The following SLC4A4 variants were observed in gnomAD, a reference collection of about 807,000 sequenced individuals.
SLC4A4 encodes the protein solute carrier family 4 member 4, also known as electrogenic sodium bicarbonate cotransporter 1.
Under a neutral mutation model 111.5 loss-of-function variants are expected in SLC4A4, and 27 were observed. That is an observed-to-expected ratio of 0.24 (90% CI 0.18 to 0.33). SLC4A4 has a LOEUF of 0.33. SLC4A4 is among the 10% of genes least tolerant of loss of function. The pLI, the probability that SLC4A4 is intolerant of heterozygous loss-of-function variation, is 1.00. For missense variants in SLC4A4, 909 were observed against 1,315.5 expected (o/e 0.69, Z 4.78); for synonymous variants, 443 against 463.4 (o/e 0.96, Z 0.57).
chr4:71,335,801 G>C (rs1728390741), intron 3 of SLC4A4, among the ~76,000 whole-genome samples: 1 of 151,626 alleles, frequency 6.6e-6, no homozygotes, highest in African/African-American at 2.4e-5. Flanking sequence ...CTCCAGCCTG[G>C]GCAATAGTGT....
Position 71,564,571 on chromosome 4 carries a change from T to G in SLC4A4, c.3196+682T>G, listed in dbSNP as rs563932331. 2.6e-5 allele frequency among the ~76,000 whole-genome samples: 4 copies of G among 152,012 alleles called. 1 individual carries two copies. The South Asian group carries it at 8.3e-4, about 31-fold the overall frequency. On this transcript the variant is annotated intron_variant, in intron 24 of 25. Coordinates refer to ENST00000264485, the MANE Select transcript of SLC4A4 (RefSeq NM_001098484.3). The stretch of plus-strand genomic sequence containing the variant: ...TTAACAGGCCACTTAGTAATATTAG[T>G]GACCATTTCAGACTTTCCCAATAGC...
At chr4:71,234,570 C>T (rs550425247) in intron 1 of SLC4A4, among the ~76,000 whole-genome samples, 71 of 152,250 alleles carry the variant, frequency 4.7e-4, no homozygotes, top group African/African-American at 1.6e-3. Flanking sequence ...GGATTACAGG[C>T]GTGTGCCACC....
chr4:71,087,476 A>G (rs868545778), intron 1 of SLC4A4, among the ~76,000 whole-genome samples: 1 of 151,654 alleles, frequency 6.6e-6, no homozygotes, highest in Non-Finnish European at 1.5e-5. Flanking sequence ...TTGCTTCTCT[A>G]GTTCTTTTAT....
At chr4:71,358,245 G>A (rs1185120555) in intron 6 of SLC4A4, among the ~76,000 whole-genome samples, 1 of 151,926 alleles carries the variant, frequency 6.6e-6, no homozygotes, top group African/African-American at 2.4e-5. Context: ...AACCCGGGAG[G>A]GGGAGGTTGC....
At chr4:71,168,174 ACT>A (rs1280233936) in intron 2 of SLC4A4, among the ~76,000 whole-genome samples, 14 of 126,024 alleles carry the variant, frequency 1.1e-4, no homozygotes, top group South Asian at 2.5e-4. Context: ...ATTCAATTAT[ACT>A]CTTTTTTTTT....
intron 2 of SLC4A4, among the ~76,000 whole-genome samples, chr4:71,243,764 G>T (rs932247122): frequency 1.3e-5 from 2 of 152,134 alleles, no homozygotes; most frequent in Non-Finnish European, 2.9e-5. Flanking sequence ...CTGGTAAATT[G>T]TTTCTGCCTT....
intron 3 of SLC4A4, among the ~76,000 whole-genome samples, chr4:71,312,278 T>C (rs1022534711): frequency 6.6e-6 from 1 of 152,094 alleles, no homozygotes; most frequent in Non-Finnish European, 1.5e-5. Flanking sequence ...AGGCAGTAAT[T>C]AATAGCCTGC....
chr4:71,549,322 G>A (rs1735792304), intron 20 of SLC4A4, among the ~76,000 whole-genome samples: 1 of 151,846 alleles, frequency 6.6e-6, no homozygotes, highest in Non-Finnish European at 1.5e-5. Flanking sequence ...TTACCTTTTA[G>A]GCAATGGAAC....
rs558900233 is a variant in SLC4A4 at position 71,113,469 on chromosome 4, G to C, written c.-2+20677G>C. 5.3e-5 allele frequency among the ~76,000 whole-genome samples: 8 copies of C among 152,258 alleles called. No homozygotes were observed. In the East Asian group the frequency reaches 1.5e-3, roughly 29 times the overall value. ...TAAAGCTGGAATCCTGACCACTAGTGGGCACTGAAGATCCCAGGAGACTTT... is the reference window on the plus strand; with the variant it reads ...TAAAGCTGGAATCCTGACCACTAGTCGGCACTGAAGATCCCAGGAGACTTT... On this transcript the variant is annotated intron_variant, in intron 2 of 26. Transcript: ENST00000649996.
chr4:71,401,082 T>G (rs946598925), intron 7 of SLC4A4, among the ~76,000 whole-genome samples: 1 of 152,196 alleles, frequency 6.6e-6, no homozygotes, highest in African/African-American at 2.4e-5. Context: ...CCTTGCAACT[T>G]CCTGGAGCTA....
At chr4:71,207,032 G>C (rs553824716) in intron 1 of SLC4A4, among the ~76,000 whole-genome samples, 1 of 152,020 alleles carries the variant, frequency 6.6e-6, no homozygotes, top group Non-Finnish European at 1.5e-5. Context: ...TAAGCATAAT[G>C]GTACTAGTAA....
intron 2 of SLC4A4, among the ~76,000 whole-genome samples, chr4:71,125,051 G>A (rs1578503306): frequency 1.3e-5 from 2 of 152,308 alleles, no homozygotes; most frequent in Admixed American, 6.5e-5. Flanking sequence ...TGAGAGGATA[G>A]CATTGGTACT....
chr4:71,181,038 A>G (rs932353415), intron 2 of SLC4A4, among the ~76,000 whole-genome samples: 4 of 152,218 alleles, frequency 2.6e-5, no homozygotes, highest in African/African-American at 9.6e-5. Flanking sequence ...TGCAGCCATA[A>G]AAAATGATGA....
chr4:71,375,641 C>A (rs1732280914), intron 6 of SLC4A4, among the ~76,000 whole-genome samples: 1 of 152,106 alleles, frequency 6.6e-6, no homozygotes, highest in Non-Finnish European at 1.5e-5. Flanking sequence ...TGTCTTATTC[C>A]CTTTACTAGC....
chr4:71,384,504 C>T (rs1271945053), intron 6 of SLC4A4, among the ~76,000 whole-genome samples: 1 of 151,944 alleles, frequency 6.6e-6, no homozygotes, highest in Non-Finnish European at 1.5e-5. Context: ...AATTGAATGG[C>T]CTTTTCCCAA....
At chr4:71,215,990 C>T (rs979041331) in intron 1 of SLC4A4, among the ~76,000 whole-genome samples, 19 of 150,930 alleles carry the variant, frequency 1.3e-4, no homozygotes, top group Admixed American at 8.6e-4. Flanking sequence ...TTGCATCTTC[C>T]GCCCCCACCC....
chr4:71,540,127 A>G (rs1734909088), intron 18 of SLC4A4, among the ~76,000 whole-genome samples: 1 of 152,142 alleles, frequency 6.6e-6, no homozygotes, highest in Admixed American at 6.5e-5. Context: ...CCCTTCTTCA[A>G]TTCTGAGCCC....
Position 71,384,668 on chromosome 4 carries a change from T to C in SLC4A4, c.731-12909T>C, listed in dbSNP as rs73828125. On this transcript the variant is annotated intron_variant, in intron 6 of 25. Transcript: ENST00000264485. ...AAAAAAAAAAAAAAAAAAAATTACC[T>C]CATTTGTACACCTTTTTCCTTCAAA... Among the ~76,000 whole-genome samples the C allele has an allele frequency of 8.7e-3, 1,305 of 150,044 alleles. 18 individuals are homozygous for C. The highest frequency in any genetic ancestry group is 0.028 in the African/African-American group (1,154 of 40,606).
At chr4:71,150,569 C>T (rs994859530) in intron 2 of SLC4A4, among the ~76,000 whole-genome samples, 1 of 152,010 alleles carries the variant, frequency 6.6e-6, no homozygotes, top group East Asian at 1.9e-4. Flanking sequence ...TTGCAAAATG[C>T]TATAAAGGTG....
Sources: gnomAD v4.1 joint callset for allele counts (sites outside exome capture counted in the v4.1 genomes callset) on GRCh38, gnomAD v4.1.1 for gene constraint, MANE v1.5 for transcripts, NCBI Gene and HGNC (gene_info 2026-07-23, HGNC 2026-07-21) for gene names.